Variants in TSPAN16 observed in about 807,000 individuals in gnomAD.
TSPAN16 encodes tetraspanin-16.
A neutral mutation model predicts 25.2 loss-of-function variants in TSPAN16; 23 were observed. That is an observed-to-expected ratio of 0.91 (90% CI 0.66 to 1.29). TSPAN16 has a LOEUF of 1.29. Ranked by LOEUF, TSPAN16 falls within the 50% of genes most tolerant of loss-of-function variation. TSPAN16 has a pLI of 0.00. For synonymous variants in TSPAN16, 123 were observed against 124.4 expected (o/e 0.99, Z 0.08); for missense variants, 272 against 299.9 (o/e 0.91, Z 0.69).
At chr19:11,306,504 G>A in intron 4 of TSPAN16, 100 bp from the exon 5 acceptor site, 3 of 1,406,946 alleles carry the variant, frequency 2.1e-6, no homozygotes, top group Non-Finnish European at 3.0e-6. Context: ...CAGTCTCTGG[G>A]ATATTGTGAC....
chr19:11,325,278 G>A lies in TSPAN16; in HGVS notation c.688-1516G>A, dbSNP rs971317669. 29 of 667,428 alleles carry A rather than the reference G, an allele frequency of 4.3e-5. No individual in the cohort carries two copies. In the Admixed American group the frequency reaches 4.8e-4, roughly 11 times the overall value. 41.3% of individuals were successfully genotyped at this position (667,428 alleles called of 1,614,324 possible). On this transcript the variant is annotated intron_variant, in intron 6 of 6. Coordinates refer to the TSPAN16 transcript ENST00000316737. ...AAGGAATGAGCCATGCAGGAGTCGG[G>A]GAGCAGTTGACAGGAGGGAAGGGAT...
intron 5 of TSPAN16, among the ~76,000 whole-genome samples, chr19:11,310,052 C>T (rs2080673068): frequency 6.6e-6 from 1 of 151,692 alleles, no homozygotes; most frequent in Admixed American, 6.6e-5. Flanking sequence ...CTGCAGTGAG[C>T]TATGGTCATG....
At chr19:11,298,848 C>A (rs1178763234) in intron 2 of TSPAN16, 24 bp from the exon 3 acceptor site, 1 of 1,610,290 alleles carries the variant, frequency 6.2e-7, no homozygotes, top group African/African-American at 1.3e-5. Context: ...GCTCCCAGGC[C>A]CTCTCTCCCC....
intron 5 of TSPAN16, among the ~76,000 whole-genome samples, chr19:11,309,046 A>G (rs556333082): frequency 4.9e-4 from 74 of 152,082 alleles, no homozygotes; most frequent in African/African-American, 1.8e-3. Context: ...CCGTTTTTAC[A>G]AAAAAATTAA....
At chr19:11,299,491 G>A (rs1268601700) in intron 3 of TSPAN16, among the ~76,000 whole-genome samples, 1 of 152,134 alleles carries the variant, frequency 6.6e-6, no homozygotes, top group Admixed American at 6.6e-5. Flanking sequence ...GCAGGAGAAG[G>A]GGAGATGATC....
intron 4 of TSPAN16, among the ~76,000 whole-genome samples, chr19:11,303,282 T>C (rs1390238295): frequency 7.0e-6 from 1 of 142,388 alleles, no homozygotes; most frequent in South Asian, 2.2e-4. Context: ...CTCTGAAACA[T>C]GTGCTGTGTC....
At chr19:11,318,009 C>G (rs2080757596), downstream of TSPAN16, among the ~76,000 whole-genome samples, 1 of 151,926 alleles carries the variant, frequency 6.6e-6, no homozygotes, top group African/African-American at 2.4e-5. Flanking sequence ...ACCTGAACCA[C>G]AGATCCTGAT....
Position 11,302,967 on chromosome 19 carries a change from G to A in TSPAN16, c.450+1659G>A, listed in dbSNP as rs184475730. Reference sequence around the variant, plus strand: ...AAAAACTCCTGGCCTCAGCCGCCCCGTCCGGGAGGTGAGGGGCGCCTCTGC... The same window carrying A: ...AAAAACTCCTGGCCTCAGCCGCCCCATCCGGGAGGTGAGGGGCGCCTCTGC... On this transcript the variant is annotated intron_variant, in intron 4 of 6. Coordinates refer to ENST00000590327, the MANE Select transcript of TSPAN16 (RefSeq NM_001282509.2). Among the ~76,000 whole-genome samples the A allele has an allele frequency of 8.3e-4, 122 of 147,686 alleles. 4 individuals are homozygous for A. The highest frequency in any genetic ancestry group is 3.5e-3 in the Middle Eastern group (1 of 288).
chr19:11,302,685 A>G (rs2080575077), intron 4 of TSPAN16, among the ~76,000 whole-genome samples: 1 of 114,826 alleles, frequency 8.7e-6, no homozygotes, highest in Admixed American at 8.2e-5. Context: ...ATATACACAC[A>G]CACACACACA....
downstream of TSPAN16, among the ~76,000 whole-genome samples, chr19:11,320,940 G>A (rs1456688366): frequency 6.6e-6 from 1 of 152,056 alleles, no homozygotes; most frequent in Non-Finnish European, 1.5e-5. Flanking sequence ...GGAGGCCAAG[G>A]TGGGCAGATC....
At position 11,325,433 on chromosome 19, in the gene TSPAN16, C is replaced by T. The variant is rs1335107144; in HGVS notation, c.688-1361C>T. 3.1e-6 allele frequency: 5 copies of T among 1,605,672 alleles called. No homozygotes were observed. The Admixed American group carries it at 6.7e-5, about 21-fold the overall frequency. On this transcript the variant is annotated intron_variant, in intron 6 of 6. Transcript: ENST00000316737. ...CAGCTGCTGGGCTGGGGGGCTGGAG[C>T]ATCCCCCACGGCCGGGCCTTTCCCG... is the stretch of plus-strand genomic sequence containing the variant.
Position 11,325,544 on chromosome 19 carries a change from C to T in TSPAN16, c.688-1250C>T. 1 of 1,613,544 alleles carries T rather than the reference C, an allele frequency of 6.2e-7. No individual in the cohort carries two copies. Among genetic ancestry groups the T allele is most frequent in the Non-Finnish European group, 8.5e-7 (1 of 1,179,982 alleles). ...ACCAGGCGCTCGAAGACCTGCTTCA[C>T]ATTGATGTTCTCCTTGGCACTGGCT... On this transcript the variant is annotated intron_variant, in intron 6 of 6. Transcript: ENST00000316737.
chr19:11,321,466 G>C (rs1241737570), intron 6 of TSPAN16: 1 of 152,226 alleles, frequency 6.6e-6, no homozygotes, highest in Admixed American at 6.5e-5. Context: ...GAGGATTATG[G>C]GGATTACAAT....
intron 4 of TSPAN16, among the ~76,000 whole-genome samples, chr19:11,302,667 A>ATATGTGTG (rs1555703600): frequency 3.2e-5 from 4 of 124,822 alleles, no homozygotes; most frequent in South Asian, 2.3e-4. Context: ...ATACATATAT[A>ATATGTGTG]TATATATATA....
downstream of TSPAN16, among the ~76,000 whole-genome samples, chr19:11,319,725 T>A (rs1026464562): frequency 1.2e-4 from 19 of 152,200 alleles, no homozygotes; most frequent in Non-Finnish European, 4.4e-5. Context: ...ACACCCTTTC[T>A]TGGGGAGGGG....
chr19:11,308,453 C>T (rs2080653504), intron 5 of TSPAN16, among the ~76,000 whole-genome samples: 1 of 151,814 alleles, frequency 6.6e-6, no homozygotes, highest in African/African-American at 2.4e-5. Context: ...CGTGTGCTAC[C>T]ACGCCCAGCT....
At chr19:11,301,827 C>CT (rs1418518772) in intron 4 of TSPAN16, among the ~76,000 whole-genome samples, 14 of 122,074 alleles carry the variant, frequency 1.1e-4, no homozygotes, top group South Asian at 2.5e-4. Flanking sequence ...TATCGTTTAA[C>CT]ATTTTTTTTT....
chr19:11,314,272 T>C (rs1168038054), intron 6 of TSPAN16, among the ~76,000 whole-genome samples: 2 of 152,176 alleles, frequency 1.3e-5, no homozygotes, highest in African/African-American at 4.8e-5. Flanking sequence ...ATAGTAGTGA[T>C]GGTAGCCCAA....
downstream of TSPAN16, among the ~76,000 whole-genome samples, chr19:11,320,536 G>T (rs950014211): frequency 6.6e-6 from 1 of 152,076 alleles, no homozygotes; most frequent in African/African-American, 2.4e-5. Context: ...AGCTGGATGT[G>T]GTGGTGCTTG....
Sources: allele counts gnomAD v4.1 joint callset (sites outside exome capture counted in the v4.1 genomes callset), GRCh38; gene constraint gnomAD v4.1.1; transcripts MANE v1.5; gene names NCBI Gene and HGNC (gene_info 2026-07-23, HGNC 2026-07-21).